CFAP92: variants seen among roughly 807,000 people sequenced by gnomAD.
CFAP92 encodes the protein uncharacterized protein CFAP92.
In CFAP92, 86 loss-of-function variants were observed where a neutral mutation model predicts 106.3. The observed-to-expected ratio is 0.81, with a 90% CI of 0.68 to 0.97. The LOEUF is 0.97. Among genes scored for constraint, CFAP92 ranks in the 50% least tolerant of loss-of-function variants. CFAP92 has a pLI of 0.00. For synonymous variants in CFAP92, 477 were observed against 506.4 expected, an observed-to-expected ratio of 0.94 and a Z score of 0.78; for missense variants, 1,204 against 1,283.8, an observed-to-expected ratio of 0.94 and a Z score of 0.95.
chr3:128,970,985 A>C, intron 8 of CFAP92: 1 of 448,608 alleles, frequency 2.2e-6, no homozygotes, highest in East Asian at 3.6e-5. Context: ...GCATCTTCTT[A>C]ACAAACACAA....
At chr3:128,997,911 G>A (rs1001591817), upstream of CFAP92, among the ~76,000 whole-genome samples, 2 of 152,160 alleles carry the variant, frequency 1.3e-5, no homozygotes, top group Admixed American at 6.5e-5. Flanking sequence ...GCATCATTTT[G>A]TGTTCCCATC....
chr3:128,916,338 C>T (rs1936818100), intron 12 of CFAP92, 67 bp from the exon 13 acceptor site: 3 of 1,049,834 alleles, frequency 2.9e-6, no homozygotes, highest in South Asian at 4.9e-5. Flanking sequence ...AGCTCATATG[C>T]AGTGAGATGA....
At chr3:128,991,856 C>T (rs1052871537) in intron 2 of CFAP92, 1 of 987,586 alleles carries the variant, frequency 1.0e-6, no homozygotes, top group African/African-American at 1.7e-5. Context: ...CAGATGAAAA[C>T]AAAACAAAGC....
the CFAP92 span, among the ~76,000 whole-genome samples, chr3:129,011,854 G>A: frequency 6.6e-6 from 1 of 152,176 alleles, no homozygotes; most frequent in Admixed American, 6.5e-5. Context: ...CCAGAGAGAG[G>A]GGCCTTGACT....
chr3:128,981,930 A>T (rs1180384310), intron 4 of CFAP92, among the ~76,000 whole-genome samples: 1 of 152,220 alleles, frequency 6.6e-6, no homozygotes, highest in Non-Finnish European at 1.5e-5. Flanking sequence ...CTATAAACAG[A>T]TGTGCTGTCA....
chr3:128,952,518 C>G (rs1940912189), intron 9 of CFAP92, among the ~76,000 whole-genome samples: 1 of 152,126 alleles, frequency 6.6e-6, no homozygotes. Context: ...GACACCAACA[C>G]TGAGATGATA....
intron 4 of CFAP92, among the ~76,000 whole-genome samples, chr3:128,982,102 T>A (rs1049209907): frequency 6.6e-6 from 1 of 152,244 alleles, no homozygotes. Context: ...AAGCCAGGCA[T>A]TGACTTCTCT....
chr3:128,928,862 A>G (rs886076962), intron 12 of CFAP92, among the ~76,000 whole-genome samples: 2 of 152,224 alleles, frequency 1.3e-5, no homozygotes, highest in African/African-American at 4.8e-5. Flanking sequence ...AAAGCCACAA[A>G]TATGGAGAAA....
intron 15 of CFAP92, among the ~76,000 whole-genome samples, chr3:128,914,424 T>C (rs778833407): frequency 2.5e-4 from 38 of 152,198 alleles, no homozygotes; most frequent in Non-Finnish European, 4.7e-4. Flanking sequence ...TCCATGGAGC[T>C]GTGATCAGTT....
intron 8 of CFAP92, chr3:128,968,529 G>A (rs757109832): frequency 1.3e-5 from 2 of 152,246 alleles, no homozygotes; most frequent in Non-Finnish European, 2.9e-5. Flanking sequence ...GTATAATGGA[G>A]CGGCCCACAC....
At chr3:128,975,950 G>A in intron 6 of CFAP92, 47 bp from the exon 7 acceptor site, 1 of 1,561,464 alleles carries the variant, frequency 6.4e-7, no homozygotes, top group East Asian at 2.3e-5. Context: ...AAAAAAATCA[G>A]GGGCCAGATC....
the CFAP92 span, among the ~76,000 whole-genome samples, chr3:129,014,626 T>C: frequency 6.6e-6 from 1 of 152,124 alleles, no homozygotes; most frequent in African/African-American, 2.4e-5. The surrounding 1 kb of genome is among the most constrained non-coding windows in gnomAD (Gnocchi z 4.3). Context: ...GGTCTGGACA[T>C]CAACATATGA....
rs760752471 is a variant in CFAP92, at chr3:128,993,152, C to T, written c.153G>A (p.Pro51=). The T allele has an allele frequency of 2.0e-4, 319 of 1,613,966 alleles. No individual in the cohort carries two copies. The highest frequency in any genetic ancestry group is 2.5e-4 in the Non-Finnish European group (299 of 1,179,914). ...CAGATGAGGACTCGATGCTGCTGCA[C>T]GGGCGGTCAGAGTCAGACTCCTGGG... is the stretch of plus-strand genomic sequence containing the variant. ...ARAQESDSDR[P]CSSIESSSEP... The change falls in exon 2 of 16, where the codon CCG becomes CCA. Residue 51 remains proline (P), a synonymous_variant. Transcript: ENST00000645291.
At chr3:128,912,867 G>A (rs767232288) in intron 15 of CFAP92, 7 of 630,618 alleles carry the variant, frequency 1.1e-5, no homozygotes, top group African/African-American at 3.6e-5. Flanking sequence ...TGGAACTGGC[G>A]GGTATTCTGG....
At chr3:128,998,114 T>G (rs183341318), upstream of CFAP92, among the ~76,000 whole-genome samples, 4 of 152,372 alleles carry the variant, frequency 2.6e-5, no homozygotes, top group Admixed American at 2.0e-4. Flanking sequence ...AATGTCTGTT[T>G]GTATCTTCAC....
At chr3:128,955,936 C>A (rs868866583) in intron 9 of CFAP92, among the ~76,000 whole-genome samples, 1 of 50,334 alleles carries the variant, frequency 2.0e-5, no homozygotes, top group South Asian at 6.8e-4. Flanking sequence ...GGATTAAGGG[C>A]GGTGCAAGAT....
At chr3:128,995,028 G>A (rs76177069), upstream of CFAP92, among the ~76,000 whole-genome samples, 7 of 152,312 alleles carry the variant, frequency 4.6e-5, no homozygotes, top group Non-Finnish European at 7.4e-5. Context: ...CAGGACTATG[G>A]GCAATGGGGA....
intron 9 of CFAP92, among the ~76,000 whole-genome samples, chr3:128,952,464 G>C (rs553048218): frequency 6.6e-6 from 1 of 152,196 alleles, no homozygotes; most frequent in Non-Finnish European, 1.5e-5. Flanking sequence ...AAAATCACCT[G>C]TCATACCAGA....
chr3:128,990,029 G>C (rs889139978), intron 2 of CFAP92, among the ~76,000 whole-genome samples: 3 of 152,226 alleles, frequency 2.0e-5, no homozygotes, highest in Admixed American at 6.5e-5. Context: ...ACAGGCAACA[G>C]AAGTGCCCAC....
Sources: allele counts gnomAD v4.1 joint callset (sites outside exome capture counted in the v4.1 genomes callset), GRCh38; gene constraint gnomAD v4.1.1; non-coding constraint Gnocchi (gnomAD v3.1); transcripts MANE v1.5; gene names NCBI Gene and HGNC (gene_info 2026-07-23, HGNC 2026-07-21).